The following OSBP2 variants were observed in gnomAD, a reference collection of about 807,000 sequenced individuals.
The protein encoded by OSBP2 is oxysterol-binding protein 2.
Under a neutral mutation model 96.0 loss-of-function variants are expected in OSBP2, and 66 were observed. The observed-to-expected ratio is 0.69, with a 90% CI of 0.56 to 0.84. The LOEUF is 0.84. Among genes scored for constraint, OSBP2 ranks in the 40% least tolerant of loss-of-function variants. OSBP2 has a pLI of 0.00. For missense variants in OSBP2, 1,038 were observed against 1,222.7 expected (o/e 0.85, Z 2.25); for synonymous variants, 525 against 520.9 (o/e 1.01, Z -0.11).
chr22:30,708,028 C>T (rs1036132466), intron 1 of OSBP2, among the ~76,000 whole-genome samples: 9 of 152,026 alleles, frequency 5.9e-5, no homozygotes, highest in East Asian at 5.9e-4. Context: ...GATGGGATTA[C>T]GGGCATCTGC....
intron 2 of OSBP2, among the ~76,000 whole-genome samples, chr22:30,754,122 A>C (rs571794858): frequency 6.6e-6 from 1 of 152,260 alleles, no homozygotes; most frequent in Non-Finnish European, 1.5e-5. Flanking sequence ...TGGGGAAAAA[A>C]TAGATTTTCC....
chr22:30,750,557 G>A (rs1049316778), intron 2 of OSBP2, among the ~76,000 whole-genome samples: 1 of 152,134 alleles, frequency 6.6e-6, no homozygotes, highest in Non-Finnish European at 1.5e-5. Flanking sequence ...AGTGGGAATA[G>A]GACATGCCTT....
chr22:30,828,789 C>T (rs1376225367), intron 2 of OSBP2, among the ~76,000 whole-genome samples: 6 of 152,062 alleles, frequency 3.9e-5, no homozygotes, highest in Non-Finnish European at 8.8e-5. Flanking sequence ...GGAGAGGAGA[C>T]GGGGGAGAGG....
chr22:30,861,672 G>A (rs953131236), intron 2 of OSBP2, among the ~76,000 whole-genome samples: 4 of 152,140 alleles, frequency 2.6e-5, no homozygotes, highest in Non-Finnish European at 5.9e-5. Context: ...TCACTTGTCT[G>A]GTTACCCAGG....
Position 30,870,466 on chromosome 22 carries a change from C to T in OSBP2, c.891C>T (p.Ala297=), listed in dbSNP as rs540501472. 1.3e-5 allele frequency: 21 copies of T among 1,614,042 alleles called. No homozygotes were observed. Among genetic ancestry groups the T allele is most frequent in the South Asian group, 4.4e-5 (4 of 91,084 alleles). ...SGDDDEATTP[A]DKSELHHTLK... is the part of the protein sequence containing the mutation. ...ACGACGACGAGGCTACCACCCCAGCCGACAAGAGCGAGCTGCACCACACCC... is the reference window on the plus strand; with the variant it reads ...ACGACGACGAGGCTACCACCCCAGCTGACAAGAGCGAGCTGCACCACACCC... Residue 297 remains alanine, a synonymous_variant, in exon 3 of 14, where the codon GCC becomes GCT. Transcript: ENST00000332585. This position sits in a 1 kb window ranked among gnomAD's most constrained non-coding sequence, Gnocchi z 4.1.
chr22:30,831,485 C>T (rs1263852044), intron 2 of OSBP2, among the ~76,000 whole-genome samples: 5 of 152,170 alleles, frequency 3.3e-5, no homozygotes, highest in Non-Finnish European at 2.9e-5. Context: ...ACCCTGGCAC[C>T]GATCCACTGT....
chr22:30,743,162 T>C (rs1247356310), intron 2 of OSBP2, among the ~76,000 whole-genome samples: 1 of 152,202 alleles, frequency 6.6e-6, no homozygotes, highest in Non-Finnish European at 1.5e-5. Flanking sequence ...CCAGACTATC[T>C]TGGAGACTGG....
rs1569100593 is a variant in OSBP2, at chr22:30,730,798, A to T, written c.645-10363A>T. ...TCTATATATATATATATATATATATATATATATATAATTTTTTTTTTTTTT... is the reference window on the plus strand; with the variant it reads ...TCTATATATATATATATATATATATTTATATATATAATTTTTTTTTTTTTT... On this transcript the variant is annotated intron_variant, in intron 1 of 13. Transcript: ENST00000332585. 3.1e-3 allele frequency among the ~76,000 whole-genome samples: 157 copies of T among 50,910 alleles called. 22 individuals are homozygous for T. The South Asian group carries it at 0.031, about 10-fold the overall frequency. 33.4% of individuals were successfully genotyped at this position (50,910 alleles called of 152,430 possible).
rs899131018 is a variant in OSBP2 at position 30,741,362 on chromosome 22, T to C, written c.846T>C (p.Thr282=). 3.7e-6 allele frequency: 6 copies of C among 1,607,590 alleles called. No homozygotes were observed. The highest frequency in any genetic ancestry group is 5.1e-6 in the Non-Finnish European group (6 of 1,178,868). Residue 282 remains threonine (T), a synonymous_variant, in exon 2 of 14, where the codon ACT becomes ACC. Transcript: ENST00000332585. ...AKAKAVRVMN[T]HSDDSGDDDE... ...CCAAGGCTGTCCGCGTGATGAACACTCATTCAGGTAGTGAGCACTTGGGAC... is the reference window on the plus strand; with the variant it reads ...CCAAGGCTGTCCGCGTGATGAACACCCATTCAGGTAGTGAGCACTTGGGAC...
chr22:30,884,793 C>T (rs951347521), intron 3 of OSBP2, among the ~76,000 whole-genome samples: 3 of 152,192 alleles, frequency 2.0e-5, no homozygotes, highest in Admixed American at 6.5e-5. Flanking sequence ...ACCCCCGTCT[C>T]GCTCCCACTG....
intron 2 of OSBP2, among the ~76,000 whole-genome samples, chr22:30,845,021 T>TAC (rs1473579479): frequency 1.3e-5 from 2 of 152,212 alleles, no homozygotes; most frequent in Non-Finnish European, 2.9e-5. Context: ...TCAGAACACA[T>TAC]ACAACATTTA....
intron 2 of OSBP2, among the ~76,000 whole-genome samples, chr22:30,782,005 G>A (rs2090524544): frequency 1.3e-5 from 2 of 152,162 alleles, no homozygotes; most frequent in Admixed American, 1.3e-4. Context: ...AGTTAGCCAG[G>A]CGTGGTGGTG....
At chr22:30,812,638 T>C (rs1290622018) in intron 2 of OSBP2, among the ~76,000 whole-genome samples, 1 of 152,234 alleles carries the variant, frequency 6.6e-6, no homozygotes, top group Non-Finnish European at 1.5e-5. Flanking sequence ...TTGCATAGAT[T>C]TCTAGAAGTG....
chr22:30,852,233 G>T (rs539112453), intron 2 of OSBP2, among the ~76,000 whole-genome samples: 1 of 152,148 alleles, frequency 6.6e-6, no homozygotes, highest in Non-Finnish European at 1.5e-5. Flanking sequence ...GGTAAGAAGT[G>T]TATTATTTCT....
chr22:30,905,940 C>T lies in OSBP2; in HGVS notation c.2479C>T (p.Arg827Trp), dbSNP rs773762192. The T allele has an allele frequency of 3.7e-6, 6 of 1,612,400 alleles. No homozygotes were observed. The highest frequency in any genetic ancestry group is 3.3e-5 in the South Asian group (3 of 90,980). ...PTDSRLRPDQRLMEKGRWDEA... is the reference protein window; with the variant it reads ...PTDSRLRPDQWLMEKGRWDEA... ...CGACAGCCGCCTGCGGCCCGACCAGCGGCTGATGGAGAAGGGCCGTTGGGA... is the reference window on the plus strand; with the variant it reads ...CGACAGCCGCCTGCGGCCCGACCAGTGGCTGATGGAGAAGGGCCGTTGGGA... Residue 827 changes from arginine to tryptophan, a missense_variant, in exon 13 of 14, where the codon CGG becomes TGG. Coordinates refer to ENST00000332585, the MANE Select transcript of OSBP2 (RefSeq NM_030758.4).
intron 2 of OSBP2, among the ~76,000 whole-genome samples, chr22:30,856,335 T>G (rs2039076599): frequency 6.6e-6 from 1 of 151,600 alleles, no homozygotes; most frequent in Admixed American, 6.6e-5. Flanking sequence ...GCACCAGCTC[T>G]TAGTCACTGA....
At chr22:30,800,700 C>T (rs764963542) in intron 2 of OSBP2, among the ~76,000 whole-genome samples, 3 of 152,118 alleles carry the variant, frequency 2.0e-5, no homozygotes, top group Admixed American at 6.5e-5. Flanking sequence ...TAGTGTCTTC[C>T]GGCCTTTGTG....
At chr22:30,768,164 G>A (rs2090301104) in intron 2 of OSBP2, among the ~76,000 whole-genome samples, 1 of 152,132 alleles carries the variant, frequency 6.6e-6, no homozygotes, top group African/African-American at 2.4e-5. Context: ...TTGGTGTTCA[G>A]TTCTCAGAGA....
intron 3 of OSBP2, among the ~76,000 whole-genome samples, chr22:30,885,482 A>C (rs2039790194): frequency 6.6e-6 from 1 of 152,218 alleles, no homozygotes; most frequent in Non-Finnish European, 1.5e-5. Context: ...GGAAGCTGAA[A>C]AGATTCTGGA....
Sources: gnomAD v4.1 joint callset for allele counts (sites outside exome capture counted in the v4.1 genomes callset) on GRCh38, gnomAD v4.1.1 for gene constraint, Gnocchi (gnomAD v3.1) non-coding constraint, MANE v1.5 for transcripts, NCBI Gene and HGNC (gene_info 2026-07-23, HGNC 2026-07-21) for gene names.